The following VWF variants were observed in gnomAD, a reference collection of about 807,000 sequenced individuals.
The protein encoded by VWF is von Willebrand factor.
A neutral mutation model predicts 308.6 loss-of-function variants in VWF; 176 were observed. The ratio of observed to expected loss-of-function variants is 0.57; its 90% CI spans 0.50 to 0.65. VWF has a LOEUF of 0.65. Among genes scored for constraint, VWF ranks in the 30% least tolerant of loss-of-function variants. The probability of loss-of-function intolerance (pLI) is 0.00; values close to 1 mark genes in which losing one functional copy is unlikely to be tolerated. For missense variants in VWF, 3,146 were observed against 3,648.2 expected (o/e 0.86, Z 3.55); for synonymous variants, 1,385 against 1,443.4 (o/e 0.96, Z 0.92).
chr12:6,079,389 G>A (rs914875502), intron 6 of VWF, among the ~76,000 whole-genome samples: 5 of 152,128 alleles, frequency 3.3e-5, no homozygotes, highest in Admixed American at 6.5e-5. Flanking sequence ...GGCGGATCAA[G>A]AGGTCAGGAG....
intron 47 of VWF, among the ~76,000 whole-genome samples, chr12:5,964,254 A>ATG (rs1943366207): frequency 4.6e-5 from 6 of 129,916 alleles, no homozygotes; most frequent in African/African-American, 1.8e-4. Context: ...ATACATGCAT[A>ATG]CATACATACA....
intron 21 of VWF, among the ~76,000 whole-genome samples, chr12:6,030,309 T>C (rs1041101188): frequency 6.6e-6 from 1 of 152,230 alleles, no homozygotes; most frequent in Admixed American, 6.5e-5. Context: ...TTCTTTGAAA[T>C]GCAGTTGACA....
Position 6,025,924 on chromosome 12 carries a change from C to T in VWF, c.3090G>A (p.Gln1030=). Residue 1030 remains glutamine, a synonymous_variant, in exon 23 of 52, where the codon CAG becomes CAA. Coordinates refer to ENST00000261405, the MANE Select transcript of VWF (RefSeq NM_000552.5). ...GACGTACTTTTCTGGTGTCAGCACA[C>T]TGCGAGCTCACTTTCCAGGAGTTCC... ...DFGNSWKVSS[Q]CADTRKVPLD... is the part of the protein sequence containing the mutation. The T allele has an allele frequency of 1.9e-6, 3 of 1,614,030 alleles. No individual in the cohort carries two copies. The highest frequency in any genetic ancestry group is 2.5e-6 in the Non-Finnish European group (3 of 1,179,882).
intron 13 of VWF, among the ~76,000 whole-genome samples, chr12:6,059,208 CCTT>C (rs763255229): frequency 6.6e-6 from 1 of 152,206 alleles, no homozygotes; most frequent in Non-Finnish European, 1.5e-5. Flanking sequence ...TCTCCCACCT[CCTT>C]ATTTAAAATT....
At chr12:6,103,511 TATAC>T (rs1283253140) in intron 5 of VWF, among the ~76,000 whole-genome samples, 17 of 137,498 alleles carry the variant, frequency 1.2e-4, no homozygotes, top group African/African-American at 4.2e-4. Context: ...CACGTATATA[TATAC>T]ACACATATGT....
At chr12:6,088,947 C>A (rs79474724) in intron 6 of VWF, among the ~76,000 whole-genome samples, 3,597 of 152,288 alleles carry the variant, frequency 0.024, 141 homozygotes, top group African/African-American at 0.079. Flanking sequence ...TGACCTGGCT[C>A]TCAGAATGAG....
intron 18 of VWF, among the ~76,000 whole-genome samples, chr12:6,039,508 G>C (rs10849378): frequency 2.0e-5 from 3 of 152,070 alleles, no homozygotes; most frequent in Admixed American, 2.0e-4. Flanking sequence ...AGAAGCTTGC[G>C]AGGAGGAGAG....
In VWF at chr12:6,016,905, G is replaced by A. The variant is rs199730878; in HGVS notation, c.5054-35C>T. On this transcript the variant is annotated intron_variant, in intron 28 of 51. Coordinates refer to ENST00000261405, the MANE Select transcript of VWF (RefSeq NM_000552.5). ...CAACCAGGAAGGTGAGCACACAGGTGCCAGCAGGGACAATGGCCACCAGGC... is the reference window on the plus strand; with the variant it reads ...CAACCAGGAAGGTGAGCACACAGGTACCAGCAGGGACAATGGCCACCAGGC... The A allele has an allele frequency of 8.5e-5, 136 of 1,605,816 alleles. 1 individual carries two copies. In the Admixed American group the frequency reaches 1.0e-3, roughly 12 times the overall value.
chr12:5,953,569 C>G lies in VWF; in HGVS notation c.7913G>C (p.Gly2638Ala). 1 of 1,614,132 alleles carries G rather than the reference C, an allele frequency of 6.2e-7. No individual in the cohort carries two copies. Among genetic ancestry groups the G allele is most frequent in the Non-Finnish European group, 8.5e-7 (1 of 1,180,008 alleles). ...PLGYKEENNTGECCGRCLPTA... is the reference protein window; with the variant it reads ...PLGYKEENNTAECCGRCLPTA... Reference sequence around the variant, plus strand: ...AGGCAAACATCTCCCACAACATTCACCTGTGTTATTTTCTTCCTTGTAACC... The same window carrying G: ...AGGCAAACATCTCCCACAACATTCAGCTGTGTTATTTTCTTCCTTGTAACC... The change falls in exon 48 of 52, where the codon GGT becomes GCT. Residue 2638 changes from glycine to alanine, a missense_variant. Physicochemically the swap from Gly to Ala is moderately conservative, Grantham distance 60. Transcript: ENST00000261405.
chr12:6,045,117 C>T (rs1369499047), intron 17 of VWF, among the ~76,000 whole-genome samples: 1 of 152,198 alleles, frequency 6.6e-6, no homozygotes. Flanking sequence ...TCCATGAAGC[C>T]AGGGATTTCT....
chr12:5,961,061 G>A (rs190172877), intron 47 of VWF, among the ~76,000 whole-genome samples: 1 of 152,272 alleles, frequency 6.6e-6, no homozygotes, highest in African/African-American at 2.4e-5. Flanking sequence ...CACATGTGAG[G>A]GATCCAGGTT....
At chr12:5,979,922 T>A (rs1262788734) in intron 42 of VWF, among the ~76,000 whole-genome samples, 1 of 148,460 alleles carries the variant, frequency 6.7e-6, no homozygotes, top group Non-Finnish European at 1.5e-5. Flanking sequence ...GCGCCTGTAG[T>A]CCCAGCTACT....
chr12:6,075,200 G>C lies in VWF; in HGVS notation c.874+135C>G, dbSNP rs1013358787. 33 of 1,128,266 alleles carry C rather than the reference G, an allele frequency of 2.9e-5. No homozygotes were observed. Among genetic ancestry groups the C allele is most frequent in the African/African-American group, 6.1e-5 (4 of 66,012 alleles). 69.9% of individuals were successfully genotyped at this position (1,128,266 alleles called of 1,614,324 possible). ...TCAGGAAATGGGTCCGGGACACGTGGCTTTGTAGTCACTGGCTGGCTGGGT... is the reference window on the plus strand; with the variant it reads ...TCAGGAAATGGGTCCGGGACACGTGCCTTTGTAGTCACTGGCTGGCTGGGT... On this transcript the variant is annotated intron_variant, in intron 7 of 51. Coordinates refer to ENST00000261405, the MANE Select transcript of VWF (RefSeq NM_000552.5). This position sits in a 1 kb window ranked among gnomAD's most constrained non-coding sequence, Gnocchi z 4.7.
intron 6 of VWF, among the ~76,000 whole-genome samples, chr12:6,077,582 T>G (rs1244574325): frequency 6.6e-6 from 1 of 152,150 alleles, no homozygotes; most frequent in Non-Finnish European, 1.5e-5. Context: ...GCTCACCTGG[T>G]CAGAGAAGAG....
chr12:5,965,476 C>T (rs1943391676), intron 47 of VWF, among the ~76,000 whole-genome samples: 1 of 152,198 alleles, frequency 6.6e-6, no homozygotes, highest in African/African-American at 2.4e-5. Context: ...GGTTGCCCTC[C>T]TCCGGGACGC....
At chr12:6,113,574 G>A (rs868154615) in intron 3 of VWF, among the ~76,000 whole-genome samples, 3 of 152,212 alleles carry the variant, frequency 2.0e-5, no homozygotes, top group Non-Finnish European at 2.9e-5. Flanking sequence ...GATTACAGGC[G>A]TGAGCCACCG....
intron 38 of VWF, among the ~76,000 whole-genome samples, chr12:5,990,246 G>A (rs1207985838): frequency 6.6e-6 from 1 of 152,206 alleles, no homozygotes. Context: ...CAGTTCCAGT[G>A]AGGTCAATGG....
intron 10 of VWF, among the ~76,000 whole-genome samples, chr12:6,068,597 G>A (rs549667054): frequency 1.3e-5 from 2 of 152,118 alleles, no homozygotes; most frequent in African/African-American, 4.8e-5. Flanking sequence ...AGCTTCCCGA[G>A]TAGCTGAGAT....
chr12:6,003,847 G>A (rs569569724), intron 34 of VWF, among the ~76,000 whole-genome samples: 63 of 122,000 alleles, frequency 5.2e-4, no homozygotes, highest in Non-Finnish European at 8.4e-4. Flanking sequence ...ACGGAGTCTC[G>A]CTCTGTTGCC....
Sources: allele counts gnomAD v4.1 joint callset (sites outside exome capture counted in the v4.1 genomes callset), GRCh38; gene constraint gnomAD v4.1.1; non-coding constraint Gnocchi (gnomAD v3.1); transcripts MANE v1.5; gene names NCBI Gene and HGNC (gene_info 2026-07-23, HGNC 2026-07-21).